The following TAOK3 variants were observed in gnomAD, a reference collection of about 807,000 sequenced individuals.
The protein encoded by TAOK3 is serine/threonine-protein kinase TAO3.
TAOK3 carries 40 observed loss-of-function variants against 120.4 expected under a neutral mutation model. The ratio of observed to expected loss-of-function variants is 0.33; its 90% confidence interval spans 0.26 to 0.43. The LOEUF (loss-of-function observed/expected upper bound fraction) is 0.43, where lower values mean the gene tolerates loss of function less well. Among genes scored for constraint, TAOK3 ranks in the 20% least tolerant of loss-of-function variants. The pLI is 1.00. For synonymous variants in TAOK3, 355 were observed against 387.5 expected (o/e 0.92, Z 0.99); for missense variants, 821 against 1,112.1 (o/e 0.74, Z 3.72).
At chr12:118,323,132 A>T (rs1480660064) in intron 1 of TAOK3, among the ~76,000 whole-genome samples, 2 of 152,166 alleles carry the variant, frequency 1.3e-5, no homozygotes, top group African/African-American at 2.4e-5. Flanking sequence ...ACAGCTAGGT[A>T]TATTCAGGTA....
At chr12:118,179,738 G>T (rs1347972552) in intron 15 of TAOK3, among the ~76,000 whole-genome samples, 1 of 144,182 alleles carries the variant, frequency 6.9e-6, no homozygotes, top group Non-Finnish European at 1.5e-5. Context: ...TCCGCCTCCC[G>T]GGTTCAAGTG....
At chr12:118,262,833 A>AAAG in intron 2 of TAOK3, among the ~76,000 whole-genome samples, 1 of 151,888 alleles carries the variant, frequency 6.6e-6, no homozygotes, top group East Asian at 1.9e-4. Flanking sequence ...TCTCAAAAAA[A>AAAG]AAAAAAAAAA....
At chr12:118,177,363 C>T (rs760473769) in intron 15 of TAOK3, 34 bp from the exon 16 acceptor site, 3 of 1,605,900 alleles carry the variant, frequency 1.9e-6, no homozygotes, top group Non-Finnish European at 1.7e-6. Context: ...TAGGATGAAT[C>T]TATTCTTTAC....
intron 9 of TAOK3, among the ~76,000 whole-genome samples, chr12:118,217,783 A>G (rs1179105386): frequency 2.4e-4 from 27 of 110,456 alleles, no homozygotes; most frequent in African/African-American, 6.3e-4. Flanking sequence ...GTATATATGT[A>G]TATGTATGTA....
rs575950942 is a variant in TAOK3 at position 118,333,536 on chromosome 12, T to C, written c.-194+39112A>G. On this transcript the variant is annotated intron_variant, in intron 1 of 20. Transcript: ENST00000392533. ...AAATGCTTACATTAGGAGAGAGAAA[T>C]GGCCTCAGATTAATAACCTAAGTTT... 3.3e-5 allele frequency among the ~76,000 whole-genome samples: 5 copies of C among 151,982 alleles called. No homozygotes were observed. The East Asian group carries it at 5.8e-4, about 18-fold the overall frequency.
chr12:118,253,137 G>A (rs1452022454), intron 3 of TAOK3, among the ~76,000 whole-genome samples: 2 of 152,190 alleles, frequency 1.3e-5, no homozygotes, highest in South Asian at 2.1e-4. Context: ...AGTAATGGTA[G>A]GGCTGAGCAT....
At chr12:118,194,806 G>A (rs2139162604) in intron 13 of TAOK3, among the ~76,000 whole-genome samples, 1 of 152,040 alleles carries the variant, frequency 6.6e-6, no homozygotes, top group South Asian at 2.1e-4. Context: ...AAGTGCACTG[G>A]CACCATCTTG....
intron 14 of TAOK3, among the ~76,000 whole-genome samples, chr12:118,184,716 G>T (rs75237447): frequency 6.6e-6 from 1 of 152,196 alleles, no homozygotes; most frequent in Non-Finnish European, 1.5e-5. Context: ...TGTAGTAACT[G>T]TAGTTTTTAC....
intron 17 of TAOK3, 138 bp from the exon 18 acceptor site, chr12:118,162,165 A>G (rs1592984422): frequency 9.0e-7 from 1 of 1,113,884 alleles, no homozygotes; most frequent in East Asian, 2.4e-5. Context: ...TGGCAGCAGG[A>G]CTTAATGAGA....
chr12:118,181,384 A>G lies in TAOK3; in HGVS notation c.1553T>C (p.Ile518Thr), dbSNP rs1429700599. ...GCACATACTGACCTCCTTTTCTATG[A>G]TAGCCACTTGCTTCTTGGCCAGCTT... The part of the protein sequence containing the change: ...LEKLAKKQVA[I>T]IEKEAKVAAA... Residue 518 changes from isoleucine (I) to threonine (T), a missense_variant, in exon 15 of 21, where the codon ATC becomes ACC. Transcript: ENST00000392533. 6.2e-7 allele frequency: 1 copy of G among 1,613,676 alleles called. No individual in the cohort carries two copies. The highest frequency in any genetic ancestry group is 1.3e-5 in the African/African-American group (1 of 74,866).
At chr12:118,183,468 A>G (rs2036890464) in intron 14 of TAOK3, among the ~76,000 whole-genome samples, 1 of 152,244 alleles carries the variant, frequency 6.6e-6, no homozygotes, top group Non-Finnish European at 1.5e-5. Flanking sequence ...TTTTAAGACC[A>G]AAAAAGGATA....
At chr12:118,217,816 CAT>C (rs57197721) in intron 9 of TAOK3, among the ~76,000 whole-genome samples, 2,559 of 45,624 alleles carry the variant, frequency 0.056, 56 homozygotes, top group East Asian at 0.078. Flanking sequence ...TGTGTGTATA[CAT>C]ATATATATAT....
At chr12:118,167,384 T>G (rs1310197394) in intron 17 of TAOK3, among the ~76,000 whole-genome samples, 1 of 151,978 alleles carries the variant, frequency 6.6e-6, no homozygotes, top group Non-Finnish European at 1.5e-5. Context: ...CTTCCGAAAA[T>G]GTATCCCCCA....
intron 1 of TAOK3, among the ~76,000 whole-genome samples, chr12:118,342,323 A>G (rs1025117379): frequency 1.3e-5 from 2 of 152,314 alleles, no homozygotes; most frequent in African/African-American, 4.8e-5. Context: ...TGATCAGGAA[A>G]AGTTTTATTA....
chr12:118,221,618 A>G (rs2039235007), intron 9 of TAOK3, among the ~76,000 whole-genome samples: 1 of 150,628 alleles, frequency 6.6e-6, no homozygotes, highest in Non-Finnish European at 1.5e-5. Flanking sequence ...ACCTTGTGAT[A>G]CGGAATACAT....
chr12:118,189,443 A>G (rs1565921645), intron 14 of TAOK3, among the ~76,000 whole-genome samples: 1 of 152,124 alleles, frequency 6.6e-6, no homozygotes, highest in African/African-American at 2.4e-5. Flanking sequence ...ATGAAAAGAC[A>G]AATAGCTTTT....
chr12:118,235,957 G>T, intron 7 of TAOK3: 2 of 278,698 alleles, frequency 7.2e-6, no homozygotes, highest in East Asian at 1.3e-4. Flanking sequence ...TGGCGAACAA[G>T]AAAACCTATT....
intron 1 of TAOK3, among the ~76,000 whole-genome samples, chr12:118,363,015 T>C (rs542299981): frequency 2.9e-3 from 97 of 33,810 alleles, no homozygotes; most frequent in Admixed American, 7.8e-3. Flanking sequence ...AAAGACTCCG[T>C]ATCAAAAAAA....
intron 1 of TAOK3, among the ~76,000 whole-genome samples, chr12:118,268,427 C>T (rs888708375): frequency 6.6e-6 from 1 of 152,194 alleles, no homozygotes; most frequent in Non-Finnish European, 1.5e-5. Flanking sequence ...TCCATTTTCA[C>T]ATTTTTCTTG....
Sources: gnomAD v4.1 joint callset for allele counts (sites outside exome capture counted in the v4.1 genomes callset) on GRCh38, gnomAD v4.1.1 for gene constraint, MANE v1.5 for transcripts, NCBI Gene and HGNC (gene_info 2026-07-23, HGNC 2026-07-21) for gene names.